The following RYR2 variants were observed in gnomAD, a reference collection of about 807,000 sequenced individuals.
RYR2 encodes ryanodine receptor 2.
Under a neutral mutation model 601.1 loss-of-function variants are expected in RYR2, and 227 were observed. The observed-to-expected ratio is 0.38, with a 90% confidence interval of 0.34 to 0.42. The LOEUF is 0.42. Ranked by LOEUF, RYR2 falls within the 10% of genes least tolerant of loss-of-function variation. The pLI, the probability that RYR2 is intolerant of heterozygous loss-of-function variation, is 1.00. For missense variants in RYR2, 4,646 were observed against 6,156.5 expected (o/e 0.75, Z 8.21); for synonymous variants, 2,223 against 2,175.1 (o/e 1.02, Z -0.61).
At chr1:237,361,973 C>T (rs1161611988) in intron 4 of RYR2, among the ~76,000 whole-genome samples, 1 of 152,172 alleles carries the variant, frequency 6.6e-6, no homozygotes, top group Non-Finnish European at 1.5e-5. Flanking sequence ...CTCATGCTTA[C>T]AGACGAAAGA....
chr1:237,714,261 AAT>A (rs1410481862), intron 71 of RYR2, among the ~76,000 whole-genome samples: 2 of 152,242 alleles, frequency 1.3e-5, no homozygotes, highest in African/African-American at 4.8e-5. Flanking sequence ...AACAAATTTT[AAT>A]AGATATGAAT....
intron 1 of RYR2, among the ~76,000 whole-genome samples, chr1:237,205,519 G>A (rs1681713231): frequency 6.6e-6 from 1 of 152,194 alleles, no homozygotes; most frequent in Non-Finnish European, 1.5e-5. Context: ...TCAGAAGGAG[G>A]GAAGAGCTGG....
chr1:237,674,598 A>G, intron 59 of RYR2, 133 bp from the exon 60 acceptor site: 2 of 459,590 alleles, frequency 4.4e-6, no homozygotes, highest in Non-Finnish European at 7.7e-6. Context: ...TAACATTAGA[A>G]AAACTTCAAA....
At chr1:237,306,612 T>A (rs371886273) in intron 2 of RYR2, among the ~76,000 whole-genome samples, 1 of 151,042 alleles carries the variant, frequency 6.6e-6, no homozygotes, top group East Asian at 1.9e-4. Flanking sequence ...GTGATAAACA[T>A]CTTTCTCCTG....
At position 237,548,518 on chromosome 1, in the gene RYR2, G is replaced by A; in HGVS notation, c.2994G>A (p.Lys998=). Residue 998 remains lysine, a synonymous_variant, in exon 26 of 105, where the codon AAG becomes AAA. Coordinates refer to ENST00000366574, the MANE Select transcript of RYR2 (RefSeq NM_001035.3). ...LTPSQEAMVD[K]LAENAHNVWA... ...CATCACAAGAAGCAATGGTGGACAA[G>A]TTGGCAGAAAATGCACATAATGTGT... The A allele has an allele frequency of 6.2e-7, 1 of 1,614,020 alleles. No individual in the cohort carries two copies. The highest frequency in any genetic ancestry group is 2.2e-5 in the East Asian group (1 of 44,886).
chr1:237,181,296 T>C (rs1678731068), intron 1 of RYR2, among the ~76,000 whole-genome samples: 1 of 152,160 alleles, frequency 6.6e-6, no homozygotes, highest in Non-Finnish European at 1.5e-5. Flanking sequence ...TAAGCACTTT[T>C]ATACATTACC....
At chr1:237,240,047 G>A (rs1249693815) in intron 1 of RYR2, among the ~76,000 whole-genome samples, 2 of 152,170 alleles carry the variant, frequency 1.3e-5, no homozygotes, top group Non-Finnish European at 2.9e-5. Context: ...TAGTGCTTAA[G>A]CACAAGAGAC....
rs1449049995 is a variant in RYR2, at chr1:237,606,149, G to A, written c.4683+4038G>A. On this transcript the variant is annotated intron_variant, in intron 35 of 104. Transcript: ENST00000366574. ...AAAAGAACAAAGCTGGAGGCATCAT[G>A]CTACCTGACTTCAAACTATACTACA... Among the ~76,000 whole-genome samples the A allele has an allele frequency of 3.8e-3, 570 of 151,896 alleles. 6 individuals carry two copies. The highest frequency in any genetic ancestry group is 0.013 in the African/African-American group (526 of 41,398).
chr1:237,297,714 A>C (rs1012724906), intron 2 of RYR2, among the ~76,000 whole-genome samples: 4 of 151,724 alleles, frequency 2.6e-5, no homozygotes. Context: ...ATATAAGTTC[A>C]GTGATTGACT....
chr1:237,502,245 G>A (rs963904548), intron 21 of RYR2, among the ~76,000 whole-genome samples: 1 of 152,162 alleles, frequency 6.6e-6, no homozygotes, highest in African/African-American at 2.4e-5. Flanking sequence ...TCATTTAACT[G>A]TTTCAAAAAG....
chr1:237,625,303 G>T (rs1679531743), intron 39 of RYR2, among the ~76,000 whole-genome samples: 1 of 152,072 alleles, frequency 6.6e-6, no homozygotes, highest in Non-Finnish European at 1.5e-5. Flanking sequence ...GTGTAGGCAG[G>T]GCTGGACTGT....
chr1:237,191,671 A>G lies in RYR2; in HGVS notation c.49-78826A>G, dbSNP rs541679479. Among the ~76,000 whole-genome samples the G allele has an allele frequency of 4.6e-5, 7 of 152,346 alleles. No homozygotes were observed. The South Asian group carries it at 1.4e-3, about 32-fold the overall frequency. ...TGCAGTCTGTGAACAAATTGTCTCC[A>G]GCTCGAAATGATGAAAAGAATATTT... On this transcript the variant is annotated intron_variant, in intron 1 of 104. Coordinates refer to ENST00000366574, the MANE Select transcript of RYR2 (RefSeq NM_001035.3).
intron 1 of RYR2, among the ~76,000 whole-genome samples, chr1:237,252,171 A>C (rs902770841): frequency 2.6e-5 from 4 of 151,208 alleles, no homozygotes; most frequent in African/African-American, 9.7e-5. Context: ...CTTGGACCAA[A>C]CTCCAAAGCC....
rs115787974 is a variant in RYR2 at position 237,633,835 on chromosome 1, A to G, written c.6688+125A>G. ...AGACATTTCACAAAAGAAGACAGAT[A>G]GTTGGCCAATAGGTATATGAAAAAA... is the stretch of plus-strand genomic sequence containing the variant. On this transcript the variant is annotated intron_variant, in intron 43 of 104. Transcript: ENST00000366574. 521 of 964,142 alleles carry G rather than the reference A, an allele frequency of 5.4e-4. No individual in the cohort carries two copies. In the African/African-American group the frequency reaches 7.7e-3, roughly 14 times the overall value. 59.7% of individuals were successfully genotyped at this position (964,142 alleles called of 1,614,324 possible).
intron 25 of RYR2, among the ~76,000 whole-genome samples, chr1:237,543,528 G>T (rs1669513540): frequency 6.6e-6 from 1 of 152,168 alleles, no homozygotes; most frequent in Non-Finnish European, 1.5e-5. Flanking sequence ...AGTCATCTGA[G>T]ATTTCTCATT....
intron 94 of RYR2, among the ~76,000 whole-genome samples, chr1:237,792,656 C>T (rs1658602681): frequency 6.6e-6 from 1 of 152,088 alleles, no homozygotes; most frequent in Non-Finnish European, 1.5e-5. Flanking sequence ...TTTATGTCTA[C>T]ATTGACTAGT....
intron 8 of RYR2, among the ~76,000 whole-genome samples, chr1:237,383,087 T>A (rs895195926): frequency 1.3e-5 from 2 of 152,138 alleles, no homozygotes; most frequent in Admixed American, 6.5e-5. Context: ...CAGATAAGGG[T>A]TCAATTGAGA....
chr1:237,694,165 G>T (rs1282844186), intron 63 of RYR2, among the ~76,000 whole-genome samples: 1 of 151,664 alleles, frequency 6.6e-6, no homozygotes, highest in Non-Finnish European at 1.5e-5. Context: ...GTGGTGGCAG[G>T]CGCCTGTAGT....
chr1:237,679,957 T>A (rs561691270), intron 61 of RYR2, among the ~76,000 whole-genome samples: 1 of 152,250 alleles, frequency 6.6e-6, no homozygotes, highest in South Asian at 2.1e-4. Flanking sequence ...AAGTGCACTT[T>A]AAGAAAGGCC....
Sources: gnomAD v4.1 joint callset for allele counts (sites outside exome capture counted in the v4.1 genomes callset) on GRCh38, gnomAD v4.1.1 for gene constraint, MANE v1.5 for transcripts, NCBI Gene and HGNC (gene_info 2026-07-23, HGNC 2026-07-21) for gene names.